Variants in MBNL2 observed in about 807,000 individuals in gnomAD.
MBNL2 encodes muscleblind-like protein 2.
A neutral mutation model predicts 41.9 loss-of-function variants in MBNL2; 17 were observed. The observed-to-expected ratio is 0.41, with a 90% CI of 0.28 to 0.61. The LOEUF (loss-of-function observed/expected upper bound fraction) is 0.61. MBNL2 is among the 20% of genes least tolerant of loss of function. The probability of loss-of-function intolerance (pLI) is 0.35; values close to 1 mark genes in which losing one functional copy is unlikely to be tolerated. For missense variants in MBNL2, 336 were observed against 505.6 expected, an observed-to-expected ratio of 0.66 and a Z score of 3.22; for synonymous variants, 195 against 182.9, an observed-to-expected ratio of 1.07 and a Z score of -0.53.
At chr13:97,254,971 T>C (rs769407826) in intron 1 of MBNL2, among the ~76,000 whole-genome samples, 7 of 152,116 alleles carry the variant, frequency 4.6e-5, no homozygotes, top group Non-Finnish European at 8.8e-5. Flanking sequence ...TGTGGAGAAG[T>C]ATTATTTTCT....
intron 1 of MBNL2, among the ~76,000 whole-genome samples, chr13:97,243,735 A>AGG (rs1018760381): frequency 6.6e-5 from 10 of 152,026 alleles, no homozygotes; most frequent in African/African-American, 2.4e-4. Flanking sequence ...CCACCCTTGG[A>AGG]GGGGGAAAAA....
At chr13:97,276,701 T>C (rs996218266) in intron 2 of MBNL2, among the ~76,000 whole-genome samples, 1 of 152,170 alleles carries the variant, frequency 6.6e-6, no homozygotes, top group African/African-American at 2.4e-5. Flanking sequence ...TGAAGATAAA[T>C]ATTTTATCAA....
At chr13:97,199,687 C>A in the MBNL2 span, among the ~76,000 whole-genome samples, 1 of 152,222 alleles carries the variant, frequency 6.6e-6, no homozygotes, top group African/African-American at 2.4e-5. Context: ...ATGCTGACAG[C>A]GCAGTGGCTA....
At chr13:97,248,752 A>G (rs1426078106) in intron 1 of MBNL2, among the ~76,000 whole-genome samples, 4 of 152,226 alleles carry the variant, frequency 2.6e-5, no homozygotes, top group African/African-American at 7.2e-5. Context: ...AGATAAAGAA[A>G]AGGTGGGACA....
chr13:97,371,423 G>C (rs1348645674), intron 8 of MBNL2, among the ~76,000 whole-genome samples: 1 of 152,072 alleles, frequency 6.6e-6, no homozygotes, highest in Non-Finnish European at 1.5e-5. Context: ...AAAGACAAAT[G>C]CAAGTCTACA....
chr13:97,353,975 T>TATCA (rs985655462), intron 5 of MBNL2, among the ~76,000 whole-genome samples: 5 of 151,104 alleles, frequency 3.3e-5, no homozygotes, highest in Non-Finnish European at 5.9e-5. Context: ...GGTCTTTGCC[T>TATCA]ATCATGTCTG....
At chr13:97,246,903 G>A (rs1286598551) in intron 1 of MBNL2, among the ~76,000 whole-genome samples, 1 of 152,140 alleles carries the variant, frequency 6.6e-6, no homozygotes, top group Non-Finnish European at 1.5e-5. Flanking sequence ...ATAGCACAAA[G>A]GCAATCATGA....
At chr13:97,388,473 C>T (rs1049514667) in intron 8 of MBNL2, among the ~76,000 whole-genome samples, 2 of 152,026 alleles carry the variant, frequency 1.3e-5, no homozygotes, top group African/African-American at 4.8e-5. Flanking sequence ...ATGTTAAAAA[C>T]TAGACAAGAG....
the MBNL2 span, among the ~76,000 whole-genome samples, chr13:97,163,577 T>C: frequency 1.6e-3 from 245 of 152,288 alleles, 1 homozygote; most frequent in African/African-American, 5.4e-3. Flanking sequence ...CCTGAGCAGA[T>C]GGTAGGAGAA....
intron 1 of MBNL2, among the ~76,000 whole-genome samples, chr13:97,232,915 A>AAC (rs1237387295): frequency 6.8e-6 from 1 of 147,566 alleles, no homozygotes; most frequent in Non-Finnish European, 1.5e-5. Context: ...AATGAACTTA[A>AAC]ACAACTTGAT....
chr13:97,301,890 A>G (rs1309874096), intron 2 of MBNL2, among the ~76,000 whole-genome samples: 4 of 152,210 alleles, frequency 2.6e-5, no homozygotes, highest in African/African-American at 9.6e-5. Context: ...TAGGGCAGAC[A>G]TGTCTTCCTG....
the MBNL2 span, among the ~76,000 whole-genome samples, chr13:97,162,137 T>C: frequency 2.0e-5 from 3 of 152,098 alleles, no homozygotes; most frequent in Admixed American, 2.0e-4. Context: ...CCAGATCTCA[T>C]GATAACTCAC....
intron 1 of MBNL2, among the ~76,000 whole-genome samples, chr13:97,238,627 G>GC (rs2043728356): frequency 6.6e-6 from 1 of 152,192 alleles, no homozygotes; most frequent in East Asian, 1.9e-4. Context: ...GAAGAGTGCT[G>GC]CGTGGGCTGC....
At chr13:97,272,679 G>A (rs575936762) in intron 1 of MBNL2, among the ~76,000 whole-genome samples, 36 of 152,272 alleles carry the variant, frequency 2.4e-4, no homozygotes, top group Middle Eastern at 3.4e-3. Flanking sequence ...AAGACAAATA[G>A]GGTGTGATCT....
chr13:97,289,048 G>C (rs1055253256), intron 2 of MBNL2, among the ~76,000 whole-genome samples: 5 of 152,182 alleles, frequency 3.3e-5, no homozygotes, highest in Admixed American at 3.3e-4. Flanking sequence ...AAGCAAAACA[G>C]AATGGCTAGA....
chr13:97,386,904 T>C (rs1158975790), intron 8 of MBNL2, among the ~76,000 whole-genome samples: 2 of 152,064 alleles, frequency 1.3e-5, no homozygotes, highest in Non-Finnish European at 2.9e-5. Flanking sequence ...GATACTCTTG[T>C]TCCACCCAGA....
intron 3 of MBNL2, among the ~76,000 whole-genome samples, chr13:97,341,342 A>G (rs2061422716): frequency 6.6e-6 from 1 of 152,222 alleles, no homozygotes; most frequent in African/African-American, 2.4e-5. Flanking sequence ...ATGACCTTTC[A>G]GAATTGATTC....
In MBNL2 at chr13:97,343,092, C is replaced by G; in HGVS notation, c.416C>G (p.Pro139Arg). ...GCTCCTTACCTAGCACCTGTAACCC[C>G]TGGAGTTGGGTTGGTCCCAACGGAA... is the stretch of plus-strand genomic sequence containing the variant. ...SFAPYLAPVT[P>R]GVGLVPTEIL... is the part of the protein sequence containing the mutation. Residue 139 changes from proline (P) to arginine (R), a missense_variant, in exon 4 of 9, where the codon CCT becomes CGT. Pro to Arg is a moderately radical substitution (Grantham distance 103). Transcript: ENST00000679496. 1 of 1,613,924 alleles carries G rather than the reference C, an allele frequency of 6.2e-7. No homozygotes were observed.
chr13:97,196,786 G>A, the MBNL2 span, among the ~76,000 whole-genome samples: 2 of 152,154 alleles, frequency 1.3e-5, no homozygotes, highest in African/African-American at 4.8e-5. Flanking sequence ...TCTCATTACT[G>A]TGGTATTCCT....
Sources: allele counts gnomAD v4.1 joint callset (sites outside exome capture counted in the v4.1 genomes callset), GRCh38; gene constraint gnomAD v4.1.1; transcripts MANE v1.5; gene names NCBI Gene and HGNC (gene_info 2026-07-23, HGNC 2026-07-21).